The following CNDP2 variants were observed in gnomAD, a reference collection of about 807,000 sequenced individuals.
CNDP2 encodes the protein carnosine dipeptidase 2, also known as cytosolic non-specific dipeptidase.
A neutral mutation model predicts 55.0 loss-of-function variants in CNDP2; 38 were observed. The observed-to-expected ratio is 0.69, with a 90% CI of 0.53 to 0.90. The LOEUF (loss-of-function observed/expected upper bound fraction) is 0.90, where lower values mean the gene tolerates loss of function less well. CNDP2 is among the 40% of genes least tolerant of loss of function. CNDP2 has a pLI of 0.00. For synonymous variants in CNDP2, 241 were observed against 260.2 expected (o/e 0.93, Z 0.71); for missense variants, 607 against 621.7 (o/e 0.98, Z 0.25).
chr18:74,501,126 A>T, intron 2 of CNDP2: 3 of 1,128,088 alleles, frequency 2.7e-6, no homozygotes, highest in Non-Finnish European at 3.4e-6. Flanking sequence ...ACAATATGAG[A>T]GGGTCTCTCT....
chr18:74,516,307 C>A lies in CNDP2; in HGVS notation c.983C>A (p.Ala328Asp). Residue 328 changes from alanine (A) to aspartate (D), a missense_variant, in exon 9 of 12, where the codon GCC (alanine) becomes GAC (aspartate). By Grantham distance (126) the Ala-to-Asp change is moderately radical (BLOSUM62 -2). Transcript: ENST00000324262. The part of the protein sequence containing the change: ...GIEGAFSGSG[A>D]KTVIPRKVVG... ...GAAGGCGCCTTCTCTGGGTCTGGGGCCAAGACCGTGATTCCCAGGAAGGTG... is the reference window on the plus strand; with the variant it reads ...GAAGGCGCCTTCTCTGGGTCTGGGGACAAGACCGTGATTCCCAGGAAGGTG... 4 of 1,614,154 alleles carry A rather than the reference C, an allele frequency of 2.5e-6. No homozygotes were observed. Among genetic ancestry groups the A allele is most frequent in the Non-Finnish European group, 3.4e-6 (4 of 1,180,002 alleles).
At chr18:74,518,465 A>C (rs201497889) in intron 9 of CNDP2, 34 bp from the exon 10 acceptor site, 2 of 1,612,330 alleles carry the variant, frequency 1.2e-6, no homozygotes, top group Admixed American at 3.3e-5. Flanking sequence ...AAGCTTATAA[A>C]GCATTGTATA....
rs1427161114 is a variant in CNDP2 at position 74,521,789 on chromosome 18, CT to C, written c.*1722del. On this transcript the variant is annotated 3_prime_UTR_variant, in exon 12 of 12. Transcript: ENST00000324262. ...GCACTTGCTGCTGCAGGTGAGACCC[CT>C]GACACACTCTCAAATTGGTAGGCAA... 1 of 152,260 alleles carries C rather than the reference CT, an allele frequency of 6.6e-6. No homozygotes were observed. The highest frequency in any genetic ancestry group is 1.5e-5 in the Non-Finnish European group (1 of 68,070). 9.4% of individuals were successfully genotyped at this position (152,260 alleles called of 1,614,324 possible).
chr18:74,516,492 C>A, intron 9 of CNDP2, 100 bp downstream of exon 9: 1 of 1,191,654 alleles, frequency 8.4e-7, no homozygotes, highest in Non-Finnish European at 1.1e-6. Context: ...CCGGGCCATG[C>A]ATGCCCCCGC....
At chr18:74,510,668 G>T in intron 5 of CNDP2, 145 bp from the exon 6 acceptor site, 1 of 706,688 alleles carries the variant, frequency 1.4e-6, no homozygotes, top group Non-Finnish European at 2.4e-6. Flanking sequence ...CAGTACCTGG[G>T]GAGGGGGTGA....
At chr18:74,519,737 G>A (rs994922724) in intron 11 of CNDP2, among the ~76,000 whole-genome samples, 1 of 152,240 alleles carries the variant, frequency 6.6e-6, no homozygotes, top group Non-Finnish European at 1.5e-5. Flanking sequence ...AATGGGAGGA[G>A]CCCACGATCC....
chr18:74,519,126 C>T (rs1421992074), intron 11 of CNDP2, 30 bp downstream of exon 11: 22 of 1,582,016 alleles, frequency 1.4e-5, no homozygotes, highest in Non-Finnish European at 1.9e-5. Context: ...CCCAGGTTGG[C>T]GTCTCCTGCA....
At position 74,508,888 on chromosome 18, in the gene CNDP2, G is replaced by C. The variant is rs1979184050; in HGVS notation, c.416G>C (p.Gly139Ala). 3 of 1,614,112 alleles carry C rather than the reference G, an allele frequency of 1.9e-6. No individual in the cohort carries two copies. Among genetic ancestry groups the C allele is most frequent in the African/African-American group, 1.3e-5 (1 of 75,018 alleles). Reference sequence around the variant, plus strand: ...ACTGATGATAAGGGCCCGGTGGCCGGCTGGATAAACGCCCTGGAAGCGTAT... The same window carrying C: ...ACTGATGATAAGGGCCCGGTGGCCGCCTGGATAAACGCCCTGGAAGCGTAT... ...GSTDDKGPVA[G>A]WINALEAYQK... The change falls in exon 5 of 12, where the codon GGC becomes GCC. Residue 139 changes from glycine (G) to alanine (A), a missense_variant. By Grantham distance (60) the Gly-to-Ala change is moderately conservative (BLOSUM62 0). Transcript: ENST00000324262.
At chr18:74,509,042 G>A (rs775172045) in intron 5 of CNDP2, 114 bp downstream of exon 5, 11 of 826,504 alleles carry the variant, frequency 1.3e-5, no homozygotes, top group Non-Finnish European at 2.0e-5. Flanking sequence ...GATAAGACAA[G>A]CGTCCCCCAG....
chr18:74,513,954 A>G, intron 8 of CNDP2: 1 of 459,672 alleles, frequency 2.2e-6, no homozygotes, highest in Non-Finnish European at 3.8e-6. Context: ...CAGAGGGGAC[A>G]TGGGCTGGCT....
intron 2 of CNDP2, among the ~76,000 whole-genome samples, chr18:74,500,285 G>A (rs1978619626): frequency 6.6e-6 from 1 of 152,206 alleles, no homozygotes; most frequent in Non-Finnish European, 1.5e-5. Flanking sequence ...AATTTCTTGT[G>A]ATAGTTACAG....
Position 74,512,503 on chromosome 18 carries a change from A to C in CNDP2, c.713A>C (p.Glu238Ala). The C allele has an allele frequency of 3.1e-6, 5 of 1,614,016 alleles. No homozygotes were observed. Among genetic ancestry groups the C allele is most frequent in the Non-Finnish European group, 3.4e-6 (4 of 1,179,946 alleles). ...GGGGTGTACGGGGGCTCGGTGCATGAGGCCATGACTGATCTCATTTTGCTG... is the reference window on the plus strand; with the variant it reads ...GGGGTGTACGGGGGCTCGGTGCATGCGGCCATGACTGATCTCATTTTGCTG... ...HSGVYGGSVH[E>A]AMTDLILLMG... The change falls in exon 7 of 12, where the codon GAG (glutamate) becomes GCG (alanine). Residue 238 changes from glutamate to alanine, a missense_variant. By Grantham distance (107) the Glu-to-Ala change is moderately radical. Transcript: ENST00000324262.
intron 2 of CNDP2, 58 bp downstream of exon 2, chr18:74,500,091 G>A: frequency 6.8e-7 from 1 of 1,471,488 alleles, no homozygotes; most frequent in Non-Finnish European, 9.5e-7. Context: ...ATGGGGCCCA[G>A]AGAAGTTGTC....
chr18:74,505,900 G>C lies in CNDP2; in HGVS notation c.256G>C (p.Gly86Arg), dbSNP rs373719421. The change falls in exon 4 of 12, where the codon GGC (glycine) becomes CGC (arginine). Residue 86 changes from glycine (G) to arginine (R), a missense_variant. Physicochemically the swap from Gly to Arg is moderately radical, Grantham distance 125. Transcript: ENST00000324262. Reference protein sequence around the residue: ...PLPPILLGRLGSDPQKKTVCI... With the variant: ...PLPPILLGRLRSDPQKKTVCI... ...CCCTCCTATTCTGCTCGGCAGGCTGGGCTCCGACCCACAGAAGAAGACCGT... is the reference window on the plus strand; with the variant it reads ...CCCTCCTATTCTGCTCGGCAGGCTGCGCTCCGACCCACAGAAGAAGACCGT... 7 of 1,611,860 alleles carry C rather than the reference G, an allele frequency of 4.3e-6. No homozygotes were observed. The highest frequency in any genetic ancestry group is 5.9e-6 in the Non-Finnish European group (7 of 1,179,268).
chr18:74,505,853 C>T lies in CNDP2; in HGVS notation c.209C>T (p.Pro70Leu). ...ELVDIGKQKL[P>L]DGSEIPLPPI... ...TCCTTTCCTCTCCATGCTCAGCTCC[C>T]TGATGGCTCGGAGATCCCGCTCCCT... The change falls in exon 4 of 12, where the codon CCT becomes CTT. Residue 70 changes from proline (P) to leucine (L), a missense_variant. By Grantham distance (98) the Pro-to-Leu change is moderately conservative. Transcript: ENST00000324262. 3.1e-6 allele frequency: 5 copies of T among 1,612,658 alleles called. No individual in the cohort carries two copies. The highest frequency in any genetic ancestry group is 4.2e-6 in the Non-Finnish European group (5 of 1,179,496).
chr18:74,518,380 TG>T (rs1196914604), intron 9 of CNDP2, 118 bp from the exon 10 acceptor site: 3 of 1,115,678 alleles, frequency 2.7e-6, no homozygotes, highest in African/African-American at 1.5e-5. Context: ...ATCACAGACC[TG>T]TCAGAGGCCG....
chr18:74,505,737 G>A lies in CNDP2; in HGVS notation c.205-112G>A, dbSNP rs936049768. 12 of 1,160,132 alleles carry A rather than the reference G, an allele frequency of 1.0e-5. No homozygotes were observed. In the Admixed American group the frequency reaches 2.0e-4, roughly 20 times the overall value. The allele number at this position is 1,160,132 out of a possible 1,614,324, so 71.9% of individuals were successfully genotyped here. A position where few individuals can be genotyped will look rare whatever the true frequency, so the allele number is the denominator to read the frequency against. On this transcript the variant is annotated intron_variant, in intron 3 of 11. Transcript: ENST00000324262. ...TGTGCTCTTAAACTCTACAATAGAG[G>A]TTGATTGATAAGGACAGATAAGGAA...
intron 3 of CNDP2, among the ~76,000 whole-genome samples, chr18:74,504,233 C>T (rs1034887887): frequency 3.3e-5 from 5 of 150,678 alleles, no homozygotes; most frequent in Middle Eastern, 3.2e-3. Flanking sequence ...ACGCCACACA[C>T]GCAGCCACAG....
In CNDP2 at chr18:74,510,724, G is replaced by A. The variant is rs188226382; in HGVS notation, c.457-89G>A. On this transcript the variant is annotated intron_variant, in intron 5 of 11. Coordinates refer to ENST00000324262, the MANE Select transcript of CNDP2 (RefSeq NM_018235.3). Reference sequence around the variant, plus strand: ...CCATGTGGTCTGTCTGGAGAATGCCGGAGATGTGAAATATGTAATCCTGAG... The same window carrying A: ...CCATGTGGTCTGTCTGGAGAATGCCAGAGATGTGAAATATGTAATCCTGAG... 2.6e-5 allele frequency: 30 copies of A among 1,146,998 alleles called. 2 individuals carry two copies. The South Asian group carries it at 2.8e-4, about 11-fold the overall frequency. The allele number at this position is 1,146,998 out of a possible 1,614,324, so 71.1% of individuals were successfully genotyped here. A position where few individuals can be genotyped will look rare whatever the true frequency, so the allele number is the denominator to read the frequency against.
Sources: allele counts gnomAD v4.1 joint callset (sites outside exome capture counted in the v4.1 genomes callset), GRCh38; gene constraint gnomAD v4.1.1; transcripts MANE v1.5; gene names NCBI Gene and HGNC (gene_info 2026-07-23, HGNC 2026-07-21).